The following SH2D6 variants were observed in gnomAD, a reference collection of about 807,000 sequenced individuals.
The protein encoded by SH2D6 is SH2 domain-containing protein 6.
SH2D6 carries 31 observed loss-of-function variants against 30.2 expected under a neutral mutation model. The ratio of observed to expected loss-of-function variants is 1.03; its 90% CI spans 0.77 to 1.38. SH2D6 has a LOEUF of 1.38. Ranked by LOEUF, SH2D6 falls within the 40% of genes most tolerant of loss-of-function variation. SH2D6 has a pLI of 0.00. For synonymous variants in SH2D6, 93 were observed against 104.6 expected, an observed-to-expected ratio of 0.89 and a Z score of 0.68; for missense variants, 240 against 266.8, an observed-to-expected ratio of 0.90 and a Z score of 0.70.
At chr2:85,423,619 T>G (rs751552266) in intron 5 of SH2D6, among the ~76,000 whole-genome samples, 7 of 152,182 alleles carry the variant, frequency 4.6e-5, no homozygotes, top group Admixed American at 1.3e-4. Context: ...TGGCAAGAAA[T>G]GATTGTGCAC....
chr2:85,433,682 C>T, intron 16 of SH2D6, 51 bp downstream of exon 16: 1 of 1,047,030 alleles, frequency 9.6e-7, no homozygotes. Context: ...CCCTCAGCTG[C>T]TCACAGCACA....
intron 17 of SH2D6, 24 bp from the exon 18 acceptor site, chr2:85,434,316 T>C: frequency 6.5e-7 from 1 of 1,539,714 alleles, no homozygotes; most frequent in African/African-American, 1.4e-5. Flanking sequence ...CCCTGAGTTC[T>C]GTCCCCCGAT....
intron 17 of SH2D6, 34 bp downstream of exon 17, chr2:85,434,145 T>C (rs1351727869): frequency 3.0e-5 from 47 of 1,543,644 alleles, no homozygotes; most frequent in Non-Finnish European, 3.9e-5. Flanking sequence ...CCTGTGTGTA[T>C]GTATGTGAGA....
At chr2:85,420,080 G>C (rs75548195) in intron 2 of SH2D6, among the ~76,000 whole-genome samples, 1 of 151,936 alleles carries the variant, frequency 6.6e-6, no homozygotes, top group Non-Finnish European at 1.5e-5. Flanking sequence ...TCTTTAATAA[G>C]AGCCCGTTCT....
rs1043562423 is a variant in SH2D6 at position 85,436,834 on chromosome 2, C to T, written c.*13-3C>T. On this transcript the variant is annotated splice_polypyrimidine_tract_variant and splice_region_variant and intron_variant, in intron 23 of 23. Coordinates refer to ENST00000469800, the MANE Select transcript of SH2D6 (RefSeq NM_001394463.1). ...AGGCTGACACCCTCTTCCTGGCCTC[C>T]AGGAATGCAGGTGTCTGCCCAGTTC... The T allele has an allele frequency of 6.4e-6, 3 of 465,124 alleles. No individual in the cohort carries two copies. In the Admixed American group the frequency reaches 1.1e-4, roughly 16 times the overall value. The allele number at this position is 465,124 out of a possible 1,614,324, so 28.8% of individuals were successfully genotyped here.
intron 20 of SH2D6, 91 bp downstream of exon 20, chr2:85,435,214 G>C (rs894325001): frequency 1.4e-6 from 2 of 1,394,104 alleles, no homozygotes; most frequent in Admixed American, 4.1e-5. Context: ...GCTGAAGGGT[G>C]CACCACTGCA....
intron 5 of SH2D6, among the ~76,000 whole-genome samples, chr2:85,424,759 A>T (rs1168393502): frequency 6.7e-6 from 1 of 149,328 alleles, no homozygotes; most frequent in African/African-American, 2.5e-5. Flanking sequence ...ACAGGGTGAG[A>T]CCCTGTCTCT....
In SH2D6 at chr2:85,421,201, G is replaced by T. The variant is rs1338083755; in HGVS notation, c.-576-1002G>T. 2.6e-5 allele frequency among the ~76,000 whole-genome samples: 4 copies of T among 152,138 alleles called. No homozygotes were observed. The East Asian group carries it at 7.7e-4, about 29-fold the overall frequency. ...AGAGTGTAGGGGAGGAACAGACGCC[G>T]GCCGCTCCCGCTAAGGAAGGCAAAT... On this transcript the variant is annotated intron_variant, in intron 2 of 23. Coordinates refer to ENST00000469800, the MANE Select transcript of SH2D6 (RefSeq NM_001394463.1).
intron 8 of SH2D6, 24 bp downstream of exon 8, chr2:85,429,492 C>A (rs923886725): frequency 6.6e-6 from 1 of 152,620 alleles, no homozygotes; most frequent in Non-Finnish European, 1.5e-5. Flanking sequence ...CCGGGACGGC[C>A]TCAGGCATGT....
chr2:85,423,156 G>A (rs1687804894), intron 5 of SH2D6, among the ~76,000 whole-genome samples: 1 of 152,142 alleles, frequency 6.6e-6, no homozygotes, highest in African/African-American at 2.4e-5. Context: ...CCAAAGTGAT[G>A]GGACTACAGG....
chr2:85,421,268 TA>T (rs1237480453), intron 2 of SH2D6: 1 of 152,316 alleles, frequency 6.6e-6, no homozygotes, highest in Admixed American at 6.5e-5. Context: ...CGGCCAGAGG[TA>T]TCCAGAGAAC....
In SH2D6 at chr2:85,431,481, C is replaced by A. The variant is rs553094266; in HGVS notation, c.309+213C>A. Among the ~76,000 whole-genome samples the A allele has an allele frequency of 6.6e-5, 10 of 152,274 alleles. No individual in the cohort carries two copies. The East Asian group carries it at 1.7e-3, about 26-fold the overall frequency. On this transcript the variant is annotated intron_variant, in intron 13 of 23. Coordinates refer to ENST00000469800, the MANE Select transcript of SH2D6 (RefSeq NM_001394463.1). ...AACTCGCCTGGCCTGGTCCTTCCAG[C>A]CTCCCCTTCAGCTTCACCCACGGTG... is the stretch of plus-strand genomic sequence containing the variant.
intron 21 of SH2D6, 43 bp downstream of exon 21, chr2:85,435,539 G>C: frequency 6.2e-7 from 1 of 1,604,656 alleles, no homozygotes; most frequent in Non-Finnish European, 8.5e-7. Context: ...AACCCCTTTT[G>C]CTCACAGGCT....
At chr2:85,434,634 A>G in intron 19 of SH2D6, 137 bp downstream of exon 19, 2 of 1,314,090 alleles carry the variant, frequency 1.5e-6, no homozygotes, top group Non-Finnish European at 2.0e-6. Flanking sequence ...AAAAAAAAAA[A>G]ACTAGGTGAA....
At chr2:85,427,905 C>T (rs1033934483) in intron 6 of SH2D6, among the ~76,000 whole-genome samples, 1 of 152,122 alleles carries the variant, frequency 6.6e-6, no homozygotes, top group Non-Finnish European at 1.5e-5. Context: ...CCCTGGGTGT[C>T]TCCCCAGTGC....
chr2:85,432,512 T>C (rs1198625691), intron 14 of SH2D6, among the ~76,000 whole-genome samples: 1 of 151,920 alleles, frequency 6.6e-6, no homozygotes. Flanking sequence ...GCCATTCTCC[T>C]GCCTCAGCCT....
At chr2:85,427,269 G>C (rs966855093) in intron 6 of SH2D6, among the ~76,000 whole-genome samples, 10 of 152,242 alleles carry the variant, frequency 6.6e-5, no homozygotes, top group African/African-American at 2.4e-4. Flanking sequence ...CAAAATGTGA[G>C]TTTCTAGTAA....
chr2:85,432,194 G>C (rs1688750341), intron 14 of SH2D6, among the ~76,000 whole-genome samples: 1 of 150,374 alleles, frequency 6.7e-6, no homozygotes, highest in East Asian at 2.0e-4. Flanking sequence ...TTGTGCCTAA[G>C]ATCACACAGA....
intron 2 of SH2D6, among the ~76,000 whole-genome samples, chr2:85,419,643 T>G (rs1687673712): frequency 6.6e-6 from 1 of 152,208 alleles, no homozygotes; most frequent in Non-Finnish European, 1.5e-5. Context: ...ATTTTCAGCT[T>G]TTACACTTCC....
Sources: gnomAD v4.1 joint callset for allele counts (sites outside exome capture counted in the v4.1 genomes callset) on GRCh38, gnomAD v4.1.1 for gene constraint, MANE v1.5 for transcripts, NCBI Gene and HGNC (gene_info 2026-07-23, HGNC 2026-07-21) for gene names.